The following TRDN variants were observed in gnomAD, a reference collection of about 807,000 sequenced individuals.
The protein encoded by TRDN is triadin, also known as triadin in skeletal muscle.
A neutral mutation model predicts 149.7 loss-of-function variants in TRDN; 161 were observed. The ratio of observed to expected loss-of-function variants is 1.08; its 90% confidence interval spans 0.95 to 1.23. TRDN has a LOEUF of 1.23. TRDN is among the 50% of genes most tolerant of loss of function. The probability of loss-of-function intolerance (pLI) is 0.00; values close to 1 mark genes in which losing one functional copy is unlikely to be tolerated. For missense variants in TRDN, 896 were observed against 823.5 expected (o/e 1.09, Z -1.08); for synonymous variants, 294 against 250.5 (o/e 1.17, Z -1.64).
chr6:123,463,540 GTC>G (rs1776605521), intron 10 of TRDN, among the ~76,000 whole-genome samples: 1 of 151,806 alleles, frequency 6.6e-6, no homozygotes, highest in Non-Finnish European at 1.5e-5. Context: ...GACTATCAAA[GTC>G]TCCCTCAAGT....
intron 12 of TRDN, among the ~76,000 whole-genome samples, chr6:123,408,547 G>A (rs752297507): frequency 6.6e-5 from 10 of 151,746 alleles, no homozygotes; most frequent in South Asian, 4.2e-4. Flanking sequence ...GCAAGGTGGC[G>A]GGCACCTGTA....
chr6:123,636,844 A>T lies in TRDN; in HGVS notation c.-69T>A. 3 of 1,587,890 alleles carry T rather than the reference A, an allele frequency of 1.9e-6. No individual in the cohort carries two copies. In the South Asian group the frequency reaches 3.3e-5, roughly 18 times the overall value. On this transcript the variant is annotated 5_prime_UTR_variant, in exon 1 of 41. Coordinates refer to ENST00000334268, the MANE Select transcript of TRDN (RefSeq NM_006073.4). ...GTTGCACTTTGCAGAGTATTTGGGG[A>T]TTTGAGAACTCTGGTGGAGGGTTCT...
chr6:123,365,840 T>C (rs1022118244), intron 20 of TRDN, among the ~76,000 whole-genome samples: 2 of 152,184 alleles, frequency 1.3e-5, no homozygotes, highest in Non-Finnish European at 2.9e-5. Flanking sequence ...ACTAGAATGC[T>C]CTCCAGATGA....
intron 21 of TRDN, among the ~76,000 whole-genome samples, chr6:123,342,275 C>T (rs1044124843): frequency 6.6e-6 from 1 of 151,774 alleles, no homozygotes; most frequent in Non-Finnish European, 1.5e-5. Flanking sequence ...ATTCTATTAA[C>T]TTCTATTTTA....
At chr6:123,409,844 G>A (rs1484194637) in intron 12 of TRDN, among the ~76,000 whole-genome samples, 1 of 152,130 alleles carries the variant, frequency 6.6e-6, no homozygotes, top group Non-Finnish European at 1.5e-5. Context: ...AGTAAGGGGT[G>A]ATATTTTATG....
At chr6:123,280,657 T>C (rs1261794447) in intron 24 of TRDN, among the ~76,000 whole-genome samples, 1 of 150,860 alleles carries the variant, frequency 6.6e-6, no homozygotes, top group African/African-American at 2.4e-5. Context: ...TCTTTCTTTT[T>C]TTTTTTTTTT....
At chr6:123,286,278 G>C (rs922253463) in intron 24 of TRDN, among the ~76,000 whole-genome samples, 1 of 152,080 alleles carries the variant, frequency 6.6e-6, no homozygotes, top group African/African-American at 2.4e-5. Context: ...CACCCCAAAT[G>C]CTCATCAACC....
chr6:123,259,955 A>C (rs540379734), intron 34 of TRDN, among the ~76,000 whole-genome samples: 7 of 141,144 alleles, frequency 5.0e-5, no homozygotes, highest in East Asian at 4.1e-4. Context: ...TCCTCCTCCT[A>C]CTTCTTTTTT....
intron 1 of TRDN, among the ~76,000 whole-genome samples, chr6:123,624,185 C>T (rs112675553): frequency 2.6e-5 from 4 of 152,070 alleles, no homozygotes; most frequent in African/African-American, 7.2e-5. Flanking sequence ...ACTTTTCATT[C>T]CTCTCCATCC....
At chr6:123,559,898 C>T (rs1781887939) in intron 2 of TRDN, among the ~76,000 whole-genome samples, 1 of 152,152 alleles carries the variant, frequency 6.6e-6, no homozygotes, top group Non-Finnish European at 1.5e-5. Flanking sequence ...TTTACTATTC[C>T]TTTGCACCCT....
At chr6:123,494,249 T>C (rs1778339688) in intron 9 of TRDN, among the ~76,000 whole-genome samples, 1 of 152,214 alleles carries the variant, frequency 6.6e-6, no homozygotes, top group African/African-American at 2.4e-5. Context: ...AGAGTATGTT[T>C]GCATATGCCT....
At chr6:123,546,043 G>T (rs140534302) in intron 4 of TRDN, among the ~76,000 whole-genome samples, 1 of 151,838 alleles carries the variant, frequency 6.6e-6, no homozygotes, top group East Asian at 1.9e-4. Context: ...GAAAATAAAC[G>T]TGCATAAGCT....
chr6:123,464,963 G>T lies in TRDN; in HGVS notation c.874C>A (p.Pro292Thr). Reference protein sequence around the residue: ...LKPGQSPAIPPPLPTEQASRP... With the variant: ...LKPGQSPAIPTPLPTEQASRP... ...GAAGCTTGTTCTGTCGGTAAGGGAGGTGGAATGGCTGGGCTTTGTCCTACA... is the reference window on the plus strand; with the variant it reads ...GAAGCTTGTTCTGTCGGTAAGGGAGTTGGAATGGCTGGGCTTTGTCCTACA... The change falls in exon 10 of 41, where the codon CCT becomes ACT. Residue 292 changes from proline (P) to threonine (T), a missense_variant. Coordinates refer to ENST00000334268, the MANE Select transcript of TRDN (RefSeq NM_006073.4). The T allele has an allele frequency of 6.3e-7, 1 of 1,599,258 alleles. No individual in the cohort carries two copies. The highest frequency in any genetic ancestry group is 1.7e-5 in the Admixed American group (1 of 57,714).
At chr6:123,619,965 C>T (rs1785295361) in intron 1 of TRDN, among the ~76,000 whole-genome samples, 1 of 152,094 alleles carries the variant, frequency 6.6e-6, no homozygotes. Flanking sequence ...CACACTTTTG[C>T]TCTCTTCCAG....
chr6:123,225,817 A>G (rs1011291060), intron 38 of TRDN, among the ~76,000 whole-genome samples: 3 of 151,760 alleles, frequency 2.0e-5, no homozygotes, highest in Non-Finnish European at 4.4e-5. Flanking sequence ...ACAAGCACAT[A>G]TTGGAATAAT....
In TRDN at chr6:123,584,944, T is replaced by G. The variant is rs908874089; in HGVS notation, c.23-13812A>C. On this transcript the variant is annotated intron_variant, in intron 1 of 40. Transcript: ENST00000334268. ...TTTAGGACAGGTAAAATGGGGGAATTGTAAGGAGAGTTTATAGGCTTTAAA... is the reference window on the plus strand; with the variant it reads ...TTTAGGACAGGTAAAATGGGGGAATGGTAAGGAGAGTTTATAGGCTTTAAA... Among the ~76,000 whole-genome samples the G allele has an allele frequency of 3.9e-5, 6 of 152,110 alleles. No homozygotes were observed. In the East Asian group the frequency reaches 5.8e-4, roughly 15 times the overall value.
chr6:123,380,760 T>C (rs1485483352), intron 16 of TRDN, among the ~76,000 whole-genome samples: 1 of 151,968 alleles, frequency 6.6e-6, no homozygotes, highest in African/African-American at 2.4e-5. Context: ...CTTATTTTCT[T>C]CAGAGGAGAA....
intron 12 of TRDN, among the ~76,000 whole-genome samples, chr6:123,408,724 AT>A (rs993313000): frequency 6.6e-6 from 1 of 151,896 alleles, no homozygotes. Context: ...ATATAAATTA[AT>A]TTCCATACTC....
chr6:123,272,489 C>T (rs1777237917), intron 29 of TRDN, among the ~76,000 whole-genome samples: 1 of 150,482 alleles, frequency 6.6e-6, no homozygotes, highest in Admixed American at 6.7e-5. Context: ...AATGCAAGAC[C>T]AGGAATAAAA....
Sources: gnomAD v4.1 joint callset for allele counts (sites outside exome capture counted in the v4.1 genomes callset) on GRCh38, gnomAD v4.1.1 for gene constraint, MANE v1.5 for transcripts, NCBI Gene and HGNC (gene_info 2026-07-23, HGNC 2026-07-21) for gene names.